KLHL42: variants seen among roughly 807,000 people sequenced by gnomAD.
The protein encoded by KLHL42 is kelch-like protein 42.
A neutral mutation model predicts 32.7 loss-of-function variants in KLHL42; 27 were observed. The ratio of observed to expected loss-of-function variants is 0.83; its 90% CI spans 0.61 to 1.14. KLHL42 has a LOEUF of 1.14. Ranked by LOEUF, KLHL42 falls within the 50% of genes most tolerant of loss-of-function variation. The pLI, the probability that KLHL42 is intolerant of heterozygous loss-of-function variation, is 0.00. For synonymous variants in KLHL42, 267 were observed against 248.2 expected (o/e 1.08, Z -0.71); for missense variants, 491 against 560.8 (o/e 0.88, Z 1.26).
intron 2 of KLHL42, chr12:27,797,252 C>T (rs1377916382): frequency 4.4e-6 from 2 of 456,502 alleles, no homozygotes; most frequent in South Asian, 1.5e-5. Flanking sequence ...ACTAGACAGC[C>T]TCTGGAGATC....
At chr12:27,790,893 T>C (rs1197162713) in intron 1 of KLHL42, among the ~76,000 whole-genome samples, 1 of 152,010 alleles carries the variant, frequency 6.6e-6, no homozygotes, top group Non-Finnish European at 1.5e-5. Flanking sequence ...AAAAACTGTT[T>C]ATAAAAAATT....
At chr12:27,792,619 G>A (rs965712335) in intron 2 of KLHL42, among the ~76,000 whole-genome samples, 5 of 152,174 alleles carry the variant, frequency 3.3e-5, no homozygotes, top group Non-Finnish European at 5.9e-5. Context: ...TGCCTCCTGG[G>A]TTCAAGCAGT....
Position 27,780,348 on chromosome 12 carries a change from G to C in KLHL42, c.18G>C (p.Met6Ile), listed in dbSNP as rs1432326551. Residue 6 changes from methionine (M) to isoleucine (I), a missense_variant, in exon 1 of 3, where the codon ATG becomes ATC. Physicochemically the swap from Met to Ile is conservative, Grantham distance 10. Around this residue, in one of 4 missense-constraint regions of KLHL42, gnomAD observed 88 missense variants for 89.0 expected, o/e 0.99. Transcript: ENST00000381271. This position sits in a 1 kb window ranked among gnomAD's most constrained non-coding sequence, Gnocchi z 8.8. MSAEEMVQIRLEDRCY... is the reference protein window; with the variant it reads MSAEEIVQIRLEDRCY... Reference sequence around the variant, plus strand: ...CCCCAGCCATGTCGGCCGAGGAGATGGTGCAGATCCGCCTGGAGGACCGCT... The same window carrying C: ...CCCCAGCCATGTCGGCCGAGGAGATCGTGCAGATCCGCCTGGAGGACCGCT... 1 of 1,574,422 alleles carries C rather than the reference G, an allele frequency of 6.4e-7. No homozygotes were observed. The highest frequency in any genetic ancestry group is 8.6e-7 in the Non-Finnish European group (1 of 1,163,876).
In KLHL42 at chr12:27,789,564, A is replaced by G. The variant is rs139854628; in HGVS notation, c.873-2144A>G. The stretch of plus-strand genomic sequence containing the variant: ...TGCTTAGGACAAATGATTATGCTGG[A>G]TAAATACTAAAAACTGTTTTGATCT... On this transcript the variant is annotated intron_variant, in intron 1 of 2. Coordinates refer to ENST00000381271, the MANE Select transcript of KLHL42 (RefSeq NM_020782.2). 2.6e-3 allele frequency among the ~76,000 whole-genome samples: 397 copies of G among 152,340 alleles called. 2 individuals carry two copies. The highest frequency in any genetic ancestry group is 9.1e-3 in the African/African-American group (379 of 41,568).
In KLHL42 at chr12:27,798,433, G is replaced by A. The variant is rs1001713413; in HGVS notation, c.*267G>A. On this transcript the variant is annotated 3_prime_UTR_variant, in exon 3 of 3. Coordinates refer to ENST00000381271, the MANE Select transcript of KLHL42 (RefSeq NM_020782.2). ...AACATGATACTCTTGGGCCAATGACGGATCATCAAAATGTAGATTCATTGT... is the reference window on the plus strand; with the variant it reads ...AACATGATACTCTTGGGCCAATGACAGATCATCAAAATGTAGATTCATTGT... The A allele has an allele frequency of 1.6e-4, 64 of 388,802 alleles. No individual in the cohort carries two copies. The highest frequency in any genetic ancestry group is 1.1e-3 in the African/African-American group (55 of 48,394). 24.1% of individuals were successfully genotyped at this position (388,802 alleles called of 1,614,324 possible).
At chr12:27,793,931 A>G (rs1241903192) in intron 2 of KLHL42, among the ~76,000 whole-genome samples, 1 of 152,262 alleles carries the variant, frequency 6.6e-6, no homozygotes, top group Non-Finnish European at 1.5e-5. Context: ...CCCAAAGGAC[A>G]GAAATCCACA....
In KLHL42 at chr12:27,780,739, G is replaced by T. The variant is rs968487719; in HGVS notation, c.409G>T (p.Ala137Ser). ...TAACTGCCTGGAGATGTACCGCCTG[G>T]CGCAGGTGTACGGGCTGCCCGACCT... is the stretch of plus-strand genomic sequence containing the variant. Reference protein sequence around the residue: ...LNNCLEMYRLAQVYGLPDLQE... With the variant: ...LNNCLEMYRLSQVYGLPDLQE... The change falls in exon 1 of 3, where the codon GCG (alanine) becomes TCG (serine). Residue 137 changes from alanine to serine, a missense_variant. Coordinates refer to ENST00000381271, the MANE Select transcript of KLHL42 (RefSeq NM_020782.2). The surrounding 1 kb of genome is among the most constrained non-coding windows in gnomAD (Gnocchi z 8.8). The T allele has an allele frequency of 6.2e-7, 1 of 1,613,224 alleles. No individual in the cohort carries two copies. The highest frequency in any genetic ancestry group is 1.3e-5 in the African/African-American group (1 of 74,940).
intron 2 of KLHL42, among the ~76,000 whole-genome samples, chr12:27,793,193 G>A (rs2062204636): frequency 6.6e-6 from 1 of 152,098 alleles, no homozygotes; most frequent in Non-Finnish European, 1.5e-5. Flanking sequence ...GATTGCTTGA[G>A]GCTGAGAGTT....
chr12:27,798,636 AC>A lies in KLHL42; in HGVS notation c.*473del, dbSNP rs1367707579. 1 of 154,200 alleles carries A rather than the reference AC, an allele frequency of 6.5e-6. No individual in the cohort carries two copies. Among genetic ancestry groups the A allele is most frequent in the Non-Finnish European group, 1.4e-5 (1 of 71,838 alleles). 9.6% of individuals were successfully genotyped at this position (154,200 alleles called of 1,614,324 possible). ...ACATATTCATTCTCTCTTCTCCATC[AC>A]CCATACCCACACATACATCTAGTAT... On this transcript the variant is annotated 3_prime_UTR_variant, in exon 3 of 3. Transcript: ENST00000381271.
intron 1 of KLHL42, among the ~76,000 whole-genome samples, chr12:27,786,942 G>A (rs1415033624): frequency 6.6e-6 from 1 of 151,482 alleles, no homozygotes; most frequent in Non-Finnish European, 1.5e-5. Flanking sequence ...AGCCAGGATG[G>A]TCTCGATCTC....
chr12:27,780,629 G>A lies in KLHL42; in HGVS notation c.299G>A (p.Ser100Asn). 1 of 1,568,914 alleles carries A rather than the reference G, an allele frequency of 6.4e-7. No individual in the cohort carries two copies. The highest frequency in any genetic ancestry group is 1.2e-5 in the South Asian group (1 of 82,822). ...VDEDEEMDEV[S>N]LLSELVEAAS... The stretch of plus-strand genomic sequence containing the variant: ...GAGGACGAGGAGATGGATGAGGTGA[G>A]CCTGCTGTCCGAGCTGGTGGAGGCG... The change falls in exon 1 of 3, where the codon AGC becomes AAC. Residue 100 changes from serine to asparagine, a missense_variant. Around this residue, in one of 4 missense-constraint regions of KLHL42, gnomAD observed 248 missense variants for 329.2 expected, o/e 0.75. Coordinates refer to ENST00000381271, the MANE Select transcript of KLHL42 (RefSeq NM_020782.2). The surrounding 1 kb of genome is among the most constrained non-coding windows in gnomAD (Gnocchi z 8.8).
chr12:27,788,455 T>G (rs1591815015), intron 1 of KLHL42, among the ~76,000 whole-genome samples: 1 of 152,242 alleles, frequency 6.6e-6, no homozygotes, highest in Non-Finnish European at 1.5e-5. Flanking sequence ...CTGTGTCATC[T>G]TGCCTTCCTA....
chr12:27,784,120 G>GT (rs1216912229), intron 1 of KLHL42, among the ~76,000 whole-genome samples: 1,794 of 130,956 alleles, frequency 0.014, 31 homozygotes, highest in East Asian at 0.099. Context: ...AAGTGTATGT[G>GT]TTTTTTTTTT....
chr12:27,780,512 G>A lies in KLHL42; in HGVS notation c.182G>A (p.Gly61Asp). ...CAGCTGCGCGGCCTCAGCGCGCCGG[G>A]CCTGCGGCTGGTGCTGGACTTCATC... ...VQQLRGLSAPGLRLVLDFINA... is the reference protein window; with the variant it reads ...VQQLRGLSAPDLRLVLDFINA... Residue 61 changes from glycine (G) to aspartate (D), a missense_variant, in exon 1 of 3, where the codon GGC becomes GAC. Physicochemically the swap from Gly to Asp is moderately conservative, Grantham distance 94. Coordinates refer to ENST00000381271, the MANE Select transcript of KLHL42 (RefSeq NM_020782.2). The surrounding 1 kb of genome is among the most constrained non-coding windows in gnomAD (Gnocchi z 8.8). The A allele has an allele frequency of 6.5e-7, 1 of 1,541,132 alleles. No individual in the cohort carries two copies. Among genetic ancestry groups the A allele is most frequent in the East Asian group, 2.5e-5 (1 of 40,058 alleles).
rs865811162 is a variant in KLHL42 at position 27,782,189 on chromosome 12, A to G, written c.872+987A>G. Reference sequence around the variant, plus strand: ...AGTTGGGGAGCTCACAGCTGGGCAAAGAAAGTCTTAACAGTAACAGAGAAT... The same window carrying G: ...AGTTGGGGAGCTCACAGCTGGGCAAGGAAAGTCTTAACAGTAACAGAGAAT... On this transcript the variant is annotated intron_variant, in intron 1 of 2. Coordinates refer to ENST00000381271, the MANE Select transcript of KLHL42 (RefSeq NM_020782.2). 7.2e-5 allele frequency among the ~76,000 whole-genome samples: 11 copies of G among 152,342 alleles called. No homozygotes were observed. In the Middle Eastern group the frequency reaches 0.014, roughly 188 times the overall value.
intron 2 of KLHL42, among the ~76,000 whole-genome samples, chr12:27,792,630 C>T (rs192638761): frequency 1.3e-5 from 2 of 152,188 alleles, no homozygotes; most frequent in South Asian, 2.1e-4. Context: ...TTCAAGCAGT[C>T]CTCCTGCCTC....
intron 1 of KLHL42, 32 bp downstream of exon 1, chr12:27,781,234 T>A (rs2062146957): frequency 1.2e-6 from 2 of 1,607,314 alleles, no homozygotes; most frequent in Non-Finnish European, 1.7e-6. Flanking sequence ...TGCTGCCTTC[T>A]CATTCATTCA....
rs780622562 is a variant in KLHL42 at position 27,780,451 on chromosome 12, G to T, written c.121G>T (p.Ala41Ser). ...CCTCTACCGCTCCGGCATGCGCGAG[G>T]CCCTGAGCCAGGAGGCCGGCGGCCC... ...RALYRSGMRE[A>S]LSQEAGGPEV... Residue 41 changes from alanine (A) to serine (S), a missense_variant, in exon 1 of 3, where the codon GCC becomes TCC. This residue lies in a region of KLHL42 where 88 missense variants were observed against 89.0 expected (regional missense o/e 0.99). Transcript: ENST00000381271. The surrounding 1 kb of genome is among the most constrained non-coding windows in gnomAD (Gnocchi z 8.8). 1 of 1,546,838 alleles carries T rather than the reference G, an allele frequency of 6.5e-7. No individual in the cohort carries two copies. Among genetic ancestry groups the T allele is most frequent in the Non-Finnish European group, 8.7e-7 (1 of 1,147,236 alleles).
rs759707638 is a variant in KLHL42, at chr12:27,781,229, C to A, written c.872+27C>A. Reference sequence around the variant, plus strand: ...TAAGCACCCCGGCAGAGTGCTGCTGCCTTCTCATTCATTCACTTGTTCATT... The same window carrying A: ...TAAGCACCCCGGCAGAGTGCTGCTGACTTCTCATTCATTCACTTGTTCATT... On this transcript the variant is annotated intron_variant, in intron 1 of 2. Coordinates refer to ENST00000381271, the MANE Select transcript of KLHL42 (RefSeq NM_020782.2). 6 of 1,609,010 alleles carry A rather than the reference C, an allele frequency of 3.7e-6. No individual in the cohort carries two copies. In the African/African-American group the frequency reaches 8.0e-5, roughly 21 times the overall value.
Sources: allele counts gnomAD v4.1 joint callset (sites outside exome capture counted in the v4.1 genomes callset), GRCh38; gene constraint gnomAD v4.1.1; regional missense constraint gnomAD v4.1.1; non-coding constraint Gnocchi (gnomAD v3.1); transcripts MANE v1.5; gene names NCBI Gene and HGNC (gene_info 2026-07-23, HGNC 2026-07-21).